GBA2: variants seen among roughly 807,000 people sequenced by gnomAD.
GBA2 encodes glucosylceramidase beta 2, also known as non-lysosomal glucosylceramidase.
Under a neutral mutation model 112.9 loss-of-function variants are expected in GBA2, and 79 were observed. The ratio of observed to expected loss-of-function variants is 0.70; its 90% CI spans 0.58 to 0.84. The LOEUF (loss-of-function observed/expected upper bound fraction) is 0.84, where lower values mean the gene tolerates loss of function less well. GBA2 is among the 40% of genes least tolerant of loss of function. The pLI, the probability that GBA2 is intolerant of heterozygous loss-of-function variation, is 0.00. For synonymous variants in GBA2, 403 were observed against 434.3 expected, an observed-to-expected ratio of 0.93 and a Z score of 0.90; for missense variants, 1,043 against 1,190.0, an observed-to-expected ratio of 0.88 and a Z score of 1.82.
At chr9:35,739,234 GAA>G (rs1044715608) in intron 10 of GBA2, 79 bp downstream of exon 10, 118 of 1,096,144 alleles carry the variant, frequency 1.1e-4, no homozygotes, top group Middle Eastern at 4.2e-4. Context: ...GGAAGGGAAA[GAA>G]GAGACAATCT....
Position 35,739,407 on chromosome 9 carries a change from C to A in GBA2, c.1595G>T (p.Arg532Leu), listed in dbSNP as rs768769126. ...GTGGACATCATATGTGTTGTACATGCGGTACTCCTGGCCTGGAGGAATGAA... is the reference window on the plus strand; with the variant it reads ...GTGGACATCATATGTGTTGTACATGAGGTACTCCTGGCCTGGAGGAATGAA... ...RFGYLEGQEYRMYNTYDVHFY... is the reference protein window; with the variant it reads ...RFGYLEGQEYLMYNTYDVHFY... The change falls in exon 10 of 17, where the codon CGC (arginine) becomes CTC (leucine). Residue 532 changes from arginine (R) to leucine (L), a missense_variant. Coordinates refer to ENST00000378103, the MANE Select transcript of GBA2 (RefSeq NM_020944.3). 1.2e-6 allele frequency: 2 copies of A among 1,609,840 alleles called. No homozygotes were observed. The highest frequency in any genetic ancestry group is 2.2e-5 in the East Asian group (1 of 44,876).
Position 35,740,674 on chromosome 9 carries a change from T to A in GBA2, c.1027-46A>T, listed in dbSNP as rs1826608778. ...GTGAGGGCAGGCTCCACGAGTACACTGGGTCCCGGCTAGCTCCCCAGCTCC... is the reference window on the plus strand; with the variant it reads ...GTGAGGGCAGGCTCCACGAGTACACAGGGTCCCGGCTAGCTCCCCAGCTCC... On this transcript the variant is annotated intron_variant, in intron 5 of 16. Coordinates refer to ENST00000378103, the MANE Select transcript of GBA2 (RefSeq NM_020944.3). The surrounding 1 kb of genome is among the most constrained non-coding windows in gnomAD (Gnocchi z 4.7). The A allele has an allele frequency of 6.5e-7, 1 of 1,541,944 alleles. No individual in the cohort carries two copies. The highest frequency in any genetic ancestry group is 2.2e-5 in the East Asian group (1 of 44,550).
intron 10 of GBA2, 64 bp from the exon 11 acceptor site, chr9:35,739,173 G>GT: frequency 9.0e-7 from 1 of 1,105,944 alleles, no homozygotes; most frequent in Non-Finnish European, 1.4e-6. Context: ...ACACAGCTAT[G>GT]TGTGTGACTG....
chr9:35,737,972 A>T lies in GBA2; in HGVS notation c.2314-33T>A. The T allele has an allele frequency of 6.2e-7, 1 of 1,602,858 alleles. No individual in the cohort carries two copies. ...GGCAAGGGCAGGAACATGGTCTCAT[A>T]TACTTACTTCCCACCTCCAGGGAAA... is the stretch of plus-strand genomic sequence containing the variant. On this transcript the variant is annotated intron_variant, in intron 15 of 16. Coordinates refer to ENST00000378103, the MANE Select transcript of GBA2 (RefSeq NM_020944.3). This position sits in a 1 kb window ranked among gnomAD's most constrained non-coding sequence, Gnocchi z 4.1.
At chr9:35,745,722 C>A (rs1452342487) in intron 1 of GBA2, among the ~76,000 whole-genome samples, 1 of 152,188 alleles carries the variant, frequency 6.6e-6, no homozygotes, top group African/African-American at 2.4e-5. Context: ...AAGGCTCTGA[C>A]ATCTGTCCCA....
rs934613376 is a variant in GBA2, at chr9:35,740,766, C to T, written c.1026+59G>A. ...AGTATGATGAGGGTGGATGAAGAGA[C>T]CATGCTGGGGTGGAGGTGGGGTTCA... On this transcript the variant is annotated intron_variant, in intron 5 of 16. Transcript: ENST00000378103. This position sits in a 1 kb window ranked among gnomAD's most constrained non-coding sequence, Gnocchi z 4.7. 6.3e-7 allele frequency: 1 copy of T among 1,597,146 alleles called. No homozygotes were observed. The highest frequency in any genetic ancestry group is 1.7e-5 in the Admixed American group (1 of 59,540).
intron 3 of GBA2, among the ~76,000 whole-genome samples, chr9:35,742,960 A>G (rs545821213): frequency 6.6e-6 from 1 of 152,370 alleles, no homozygotes; most frequent in South Asian, 2.1e-4. Context: ...TGTACCGAAT[A>G]TGTACACACT....
intron 3 of GBA2, chr9:35,742,099 T>C: frequency 1.7e-6 from 1 of 604,200 alleles, no homozygotes; most frequent in African/African-American, 1.8e-5. Context: ...CCTTCTCCAC[T>C]ACGGTGGTGT....
In GBA2 at chr9:35,737,185, T is replaced by A; in HGVS notation, c.2768A>T (p.Asn923Ile). ...TCAGACGGCTCACTCTGGGCTCAGG[T>A]TTGCCATGGCTTCCTTTGGTCCAAA... The part of the protein sequence containing the change: ...PMFGPKEAMA[N>I]LSPE Residue 923 changes from asparagine to isoleucine, a missense_variant, in exon 17 of 17, where the codon AAC becomes ATC. Coordinates refer to ENST00000378103, the MANE Select transcript of GBA2 (RefSeq NM_020944.3). The surrounding 1 kb of genome is among the most constrained non-coding windows in gnomAD (Gnocchi z 4.1). The A allele has an allele frequency of 6.2e-7, 1 of 1,607,484 alleles. No homozygotes were observed.
Position 35,739,770 on chromosome 9 carries a change from C to T in GBA2, c.1440G>A (p.Leu480=), listed in dbSNP as rs1191423155. The change falls in exon 9 of 17, where the codon CTG becomes CTA. Residue 480 remains leucine (L), a synonymous_variant. Coordinates refer to ENST00000378103, the MANE Select transcript of GBA2 (RefSeq NM_020944.3). ...RSLPAWYKSA[L]FNELYFLADG... The stretch of plus-strand genomic sequence containing the variant: ...CAGCCAGGAAGTATAGTTCATTGAA[C>T]AGCGCAGATTTGTACCAGGCAGGCA... The T allele has an allele frequency of 6.2e-7, 1 of 1,614,010 alleles. No homozygotes were observed. Among genetic ancestry groups the T allele is most frequent in the African/African-American group, 1.3e-5 (1 of 74,908 alleles).
At chr9:35,744,520 AG>A (rs1826875042) in intron 2 of GBA2, 94 bp downstream of exon 2, 2 of 1,029,328 alleles carry the variant, frequency 1.9e-6, no homozygotes, top group South Asian at 2.5e-5. Context: ...GGGATGGAAC[AG>A]TGCAATTTGC....
In GBA2 at chr9:35,740,616, C is replaced by T. The variant is rs1375958921; in HGVS notation, c.1039G>A (p.Val347Ile). ...GGGTCAAAGGCTGTGATGTGGGTTACCGTGGTAGCTGCCTGTGAAGGGGTC... is the reference window on the plus strand; with the variant it reads ...GGGTCAAAGGCTGTGATGTGGGTTATCGTGGTAGCTGCCTGTGAAGGGGTC... ...VAARVTAATTVTHITAFDPDS... is the reference protein window; with the variant it reads ...VAARVTAATTITHITAFDPDS... The change falls in exon 6 of 17, where the codon GTA becomes ATA. Residue 347 changes from valine to isoleucine, a missense_variant. By Grantham distance (29) the Val-to-Ile change is conservative. Coordinates refer to ENST00000378103, the MANE Select transcript of GBA2 (RefSeq NM_020944.3). This position sits in a 1 kb window ranked among gnomAD's most constrained non-coding sequence, Gnocchi z 4.7. 1.2e-6 allele frequency: 2 copies of T among 1,613,434 alleles called. No homozygotes were observed. Among genetic ancestry groups the T allele is most frequent in the South Asian group, 1.1e-5 (1 of 91,076 alleles).
Position 35,748,798 on chromosome 9 carries a change from CG to C in GBA2, c.-95del, listed in dbSNP as rs1422461616. 5.3e-6 allele frequency: 4 copies of C among 759,530 alleles called. No homozygotes were observed. The highest frequency in any genetic ancestry group is 8.6e-6 in the Non-Finnish European group (4 of 464,864). The allele number at this position is 759,530 out of a possible 1,614,324, so 47.0% of individuals were successfully genotyped here. A position where few individuals can be genotyped will look rare whatever the true frequency, so the allele number is the denominator to read the frequency against. On this transcript the variant is annotated 5_prime_UTR_variant, in exon 1 of 17. The change abolishes the stop of an existing upstream ORF in the 5' untranslated region. Coordinates refer to ENST00000378103, the MANE Select transcript of GBA2 (RefSeq NM_020944.3). ...CGCCGGTCGTTGTTAGGTATCGTCC[CG>C]GAGGGCCGGGCGTTGGGGAAAGCTT...
At chr9:35,739,144 G>T in intron 10 of GBA2, 35 bp from the exon 11 acceptor site, 1 of 1,404,514 alleles carries the variant, frequency 7.1e-7, no homozygotes, top group Non-Finnish European at 1.0e-6. Context: ...GCAGGGAATG[G>T]GCATGCCTGA....
rs762730206 is a variant in GBA2, at chr9:35,741,707, G to A, written c.751C>T (p.Arg251Cys). 6.8e-6 allele frequency: 11 copies of A among 1,613,176 alleles called. No individual in the cohort carries two copies. The highest frequency in any genetic ancestry group is 6.8e-6 in the Non-Finnish European group (8 of 1,179,240). Reference protein sequence around the residue: ...LPGQNVTLTCRQITPILPHDY... With the variant: ...LPGQNVTLTCCQITPILPHDY... ...TGGGGCAAGATGGGTGTGATCTGAC[G>A]GCAGGTGAGGGTGACATTCTGGCCA... Residue 251 changes from arginine (R) to cysteine (C), a missense_variant, in exon 4 of 17, where the codon CGT becomes TGT. Arg to Cys is a radical substitution (Grantham distance 180, BLOSUM62 -3). Coordinates refer to ENST00000378103, the MANE Select transcript of GBA2 (RefSeq NM_020944.3). The surrounding 1 kb of genome is among the most constrained non-coding windows in gnomAD (Gnocchi z 4.6).
Position 35,740,320 on chromosome 9 carries a change from G to A in GBA2, c.1172C>T (p.Ala391Val). 1 of 1,613,832 alleles carries A rather than the reference G, an allele frequency of 6.2e-7. No individual in the cohort carries two copies. Among genetic ancestry groups the A allele is most frequent in the South Asian group, 1.1e-5 (1 of 91,080 alleles). Residue 391 changes from alanine (A) to valine (V), a missense_variant, in exon 7 of 17, where the codon GCT becomes GTT. Transcript: ENST00000378103. The surrounding 1 kb of genome is among the most constrained non-coding windows in gnomAD (Gnocchi z 4.7). ...PTQKGVGIAG[A>V]VCVSSKLRPR... ...TCGCAACTTGCTGGAAACACACACA[G>A]CTCCAGCAATGCCTACTCCTTTCTG...
Position 35,748,675 on chromosome 9 carries a change from T to A in GBA2, c.30A>T (p.Gly10=). MGTQDPGNM[G]TGVPASEQIS... Reference sequence around the variant, plus strand: ...TCTGCTCCGAGGCTGGGACGCCGGTTCCCATGTTCCCTGGATCCTGGGTCC... The same window carrying A: ...TCTGCTCCGAGGCTGGGACGCCGGTACCCATGTTCCCTGGATCCTGGGTCC... The change falls in exon 1 of 17, where the codon GGA becomes GGT. Residue 10 remains glycine (G), a synonymous_variant. Transcript: ENST00000378103. 6.3e-7 allele frequency: 1 copy of A among 1,582,102 alleles called. No individual in the cohort carries two copies. The highest frequency in any genetic ancestry group is 8.6e-7 in the Non-Finnish European group (1 of 1,160,946).
chr9:35,741,692 TG>T lies in GBA2; in HGVS notation c.765del (p.Ile256SerfsTer13). The T allele has an allele frequency of 6.2e-7, 1 of 1,610,848 alleles. No individual in the cohort carries two copies. Among genetic ancestry groups the T allele is most frequent in the Non-Finnish European group, 8.5e-7 (1 of 1,177,206 alleles). ...NVTLTCRQIT[P>X]ILPHDYQDSS... ...CTCACCTGGTAGTCATGGGGCAAGA[TG>T]GGTGTGATCTGACGGCAGGTGAGGG... On this transcript the variant is annotated frameshift_variant, in exon 4 of 17. Coordinates refer to ENST00000378103, the MANE Select transcript of GBA2 (RefSeq NM_020944.3). LOFTEE classifies it high-confidence loss of function. This position sits in a 1 kb window ranked among gnomAD's most constrained non-coding sequence, Gnocchi z 4.6.
chr9:35,737,398 A>C lies in GBA2; in HGVS notation c.2555T>G (p.Val852Gly), dbSNP rs191410452. 2.5e-6 allele frequency: 4 copies of C among 1,614,078 alleles called. No homozygotes were observed. Among genetic ancestry groups the C allele is most frequent in the Non-Finnish European group, 3.4e-6 (4 of 1,179,974 alleles). Residue 852 changes from valine to glycine, a missense_variant, in exon 17 of 17, where the codon GTG becomes GGG. Coordinates refer to ENST00000378103, the MANE Select transcript of GBA2 (RefSeq NM_020944.3). This position sits in a 1 kb window ranked among gnomAD's most constrained non-coding sequence, Gnocchi z 4.1. ...GAAGGCCAGACCCAGGCGCTCCCAC[A>C]CGGTACGGTAGCAGCCTTCAGCTGT... ...FQTAEGCYRT[V>G]WERLGLAFQT... is the part of the protein sequence containing the mutation.
Sources: gnomAD v4.1 joint callset for allele counts (sites outside exome capture counted in the v4.1 genomes callset) on GRCh38, gnomAD v4.1.1 for gene constraint, Gnocchi (gnomAD v3.1) non-coding constraint, MANE v1.5 for transcripts, NCBI Gene and HGNC (gene_info 2026-07-23, HGNC 2026-07-21) for gene names.